Variants in ZNF732 observed in about 807,000 individuals in gnomAD.
ZNF732 encodes zinc finger protein 732, also known as zinc finger protein LOC654254.
A neutral mutation model predicts 11.5 loss-of-function variants in ZNF732; 12 were observed. That is an observed-to-expected ratio of 1.05 (90% CI 0.67 to 1.70). ZNF732 has a LOEUF of 1.70. ZNF732 is among the 40% of genes most tolerant of loss of function. The pLI is 0.00. For missense variants in ZNF732, 702 were observed against 676.9 expected, an observed-to-expected ratio of 1.04 and a Z score of -0.41; for synonymous variants, 231 against 236.5, an observed-to-expected ratio of 0.98 and a Z score of 0.21.
intron 1 of ZNF732, among the ~76,000 whole-genome samples, chr4:303,415 G>A (rs1720157374): frequency 6.6e-6 from 1 of 152,136 alleles, no homozygotes; most frequent in South Asian, 2.1e-4. Flanking sequence ...TAAGGAGTTC[G>A]AGACCAGCCT....
intron 3 of ZNF732, among the ~76,000 whole-genome samples, chr4:287,149 G>A (rs185379134): frequency 0.011 from 1,685 of 151,964 alleles, 24 homozygotes; most frequent in Non-Finnish European, 0.02. Context: ...AGACTCCGTC[G>A]CAAAACAAAA....
chr4:292,221 AAACT>A (rs1249092579), intron 3 of ZNF732, among the ~76,000 whole-genome samples: 1 of 152,222 alleles, frequency 6.6e-6, no homozygotes, highest in Non-Finnish European at 1.5e-5. Flanking sequence ...GTATCAAAGT[AAACT>A]GCTTCTGCAC....
At chr4:287,284 G>T (rs1223927054) in intron 3 of ZNF732, among the ~76,000 whole-genome samples, 1 of 151,382 alleles carries the variant, frequency 6.6e-6, no homozygotes, top group Admixed American at 6.6e-5. Context: ...GCGTGATCTC[G>T]GCTCACTGCA....
chr4:287,435 G>C (rs546771630), intron 3 of ZNF732, among the ~76,000 whole-genome samples: 5 of 151,602 alleles, frequency 3.3e-5, no homozygotes, highest in African/African-American at 9.7e-5. Flanking sequence ...GGGTAGTCTC[G>C]AACTCCTGAC....
At chr4:282,903 TG>T (rs575312706) in intron 3 of ZNF732, among the ~76,000 whole-genome samples, 148 of 152,252 alleles carry the variant, frequency 9.7e-4, no homozygotes, top group African/African-American at 3.5e-3. Context: ...AATTACTAAA[TG>T]GTTAGAAAAC....
intron 1 of ZNF732, among the ~76,000 whole-genome samples, chr4:304,570 C>CA (rs1392137232): frequency 8.3e-6 from 1 of 120,966 alleles, no homozygotes; most frequent in Non-Finnish European, 1.8e-5. Flanking sequence ...GCAGCTGCCC[C>CA]CCCCCTGCAG....
Position 272,240 on chromosome 4 carries a change from CA to C in ZNF732, c.616del (p.Trp206GlyfsTer3). On this transcript the variant is annotated frameshift_variant, in exon 4 of 4. Transcript: ENST00000419098. LOFTEE classifies it low-confidence loss of function (END_TRUNC). Reference protein sequence around the residue: ...TCEECGKDFKWYLIFNEYEII... With the variant: ...TCEECGKDFKXYLIFNEYEII... ...CTCATATTCATTAAAGATTAAATACCATTTAAAGTCTTTGCCACATTCTTCA... is the reference window on the plus strand; with the variant it reads ...CTCATATTCATTAAAGATTAAATACCTTTAAAGTCTTTGCCACATTCTTCA... 1.2e-6 allele frequency: 2 copies of C among 1,611,962 alleles called. No homozygotes were observed. The highest frequency in any genetic ancestry group is 1.7e-6 in the Non-Finnish European group (2 of 1,178,994).
intron 3 of ZNF732, among the ~76,000 whole-genome samples, chr4:278,514 A>G (rs1719547807): frequency 1.3e-5 from 2 of 152,240 alleles, no homozygotes; most frequent in African/African-American, 4.8e-5. Context: ...CATGACAAAC[A>G]ATGGTCACCA....
chr4:297,038 G>C (rs1719968211), intron 1 of ZNF732, among the ~76,000 whole-genome samples: 1 of 152,176 alleles, frequency 6.6e-6, no homozygotes, highest in South Asian at 2.1e-4. Flanking sequence ...GGAAGGCCGT[G>C]GTGGGGGGAT....
At chr4:287,638 AATATAT>A (rs1178417579) in intron 3 of ZNF732, among the ~76,000 whole-genome samples, 1 of 151,438 alleles carries the variant, frequency 6.6e-6, no homozygotes, top group African/African-American at 2.4e-5. Context: ...CTGTTTGAAA[AATATAT>A]ATATATATTT....
intron 3 of ZNF732, among the ~76,000 whole-genome samples, chr4:289,366 G>A (rs1316324038): frequency 1.3e-5 from 2 of 152,196 alleles, no homozygotes; most frequent in African/African-American, 4.8e-5. Context: ...TTAAAATAGG[G>A]GAGAAATCCT....
At chr4:305,047 C>T (rs782475832) in intron 1 of ZNF732, among the ~76,000 whole-genome samples, 8 of 152,184 alleles carry the variant, frequency 5.3e-5, no homozygotes, top group African/African-American at 7.2e-5. Flanking sequence ...GGCGTTTTCC[C>T]GATGAGCTCC....
intron 1 of ZNF732, among the ~76,000 whole-genome samples, chr4:299,024 T>C (rs1197451886): frequency 1.4e-4 from 22 of 152,112 alleles, no homozygotes; most frequent in Admixed American, 9.8e-4. Context: ...GAAAATGTCT[T>C]CTATGAGTTT....
At position 293,729 on chromosome 4, in the gene ZNF732, A is replaced by C. The variant is rs1719891606; in HGVS notation, c.226+1709T>G. Among the ~76,000 whole-genome samples, 4 of 152,312 alleles carry C rather than the reference A, an allele frequency of 2.6e-5. No individual in the cohort carries two copies. In the South Asian group the frequency reaches 8.3e-4, roughly 32 times the overall value. ...ACCAAAAAAAATGGTTAGCTATTTG[A>C]GTAATAGATGTGTTGATCAACTTGA... is the stretch of plus-strand genomic sequence containing the variant. On this transcript the variant is annotated intron_variant, in intron 3 of 3. Transcript: ENST00000419098.
At chr4:284,667 T>G (rs1719690186) in intron 3 of ZNF732, among the ~76,000 whole-genome samples, 2 of 151,188 alleles carry the variant, frequency 1.3e-5, no homozygotes, top group Admixed American at 6.6e-5. Context: ...GATCAGGCAA[T>G]CAAGACCAGC....
intron 3 of ZNF732, among the ~76,000 whole-genome samples, chr4:287,308 G>A (rs896570972): frequency 1.3e-5 from 2 of 151,498 alleles, no homozygotes; most frequent in Admixed American, 6.6e-5. Flanking sequence ...TCCGCCCCTC[G>A]GGTTGAGGTG....
chr4:299,572 T>C (rs1553843300), intron 1 of ZNF732, among the ~76,000 whole-genome samples: 2 of 140,012 alleles, frequency 1.4e-5, no homozygotes, highest in East Asian at 4.0e-4. Flanking sequence ...TAGTTTTATA[T>C]ATATAATTTA....
chr4:279,587 G>C (rs567744529), intron 3 of ZNF732, among the ~76,000 whole-genome samples: 2 of 152,212 alleles, frequency 1.3e-5, no homozygotes, highest in South Asian at 2.1e-4. Flanking sequence ...TATTGTTTAT[G>C]AGGTATGAAC....
rs1560165137 is a variant in ZNF732, at chr4:299,418, CATATATACACATATGTGTATATATAT to C, written c.4-3289_4-3264del. 1.9e-3 allele frequency among the ~76,000 whole-genome samples: 161 copies of C among 83,384 alleles called. 5 individuals are homozygous for C. The highest frequency in any genetic ancestry group is 3.9e-3 in the Admixed American group (26 of 6,702). The allele number at this position is 83,384 out of a possible 152,430, so 54.7% of individuals were successfully genotyped here. A position where few individuals can be genotyped will look rare whatever the true frequency, so the allele number is the denominator to read the frequency against. On this transcript the variant is annotated intron_variant, in intron 1 of 3. Transcript: ENST00000419098. ...ACACATATGTGTATATATATATACA[CATATATACACATATGTGTATATATAT>C]ATATATACACATATGTGTATATATA...
Sources: gnomAD v4.1 joint callset for allele counts (sites outside exome capture counted in the v4.1 genomes callset) on GRCh38, gnomAD v4.1.1 for gene constraint, MANE v1.5 for transcripts, NCBI Gene and HGNC (gene_info 2026-07-23, HGNC 2026-07-21) for gene names.